FOXN3: variants seen among roughly 807,000 people sequenced by gnomAD.
FOXN3 encodes the protein forkhead box protein N3.
FOXN3 carries 7 observed loss-of-function variants against 38.4 expected under a neutral mutation model. That is an observed-to-expected ratio of 0.18 (90% CI 0.10 to 0.34). FOXN3 has a LOEUF of 0.34. Among genes scored for constraint, FOXN3 ranks in the 10% least tolerant of loss-of-function variants. FOXN3 has a pLI of 1.00. For missense variants in FOXN3, 456 were observed against 613.4 expected, an observed-to-expected ratio of 0.74 and a Z score of 2.71; for synonymous variants, 230 against 242.2, an observed-to-expected ratio of 0.95 and a Z score of 0.47.
intron 1 of FOXN3, among the ~76,000 whole-genome samples, chr14:89,451,844 C>A (rs1192910695): frequency 2.0e-5 from 3 of 152,108 alleles, no homozygotes; most frequent in Non-Finnish European, 4.4e-5. Flanking sequence ...TGCTGTCACT[C>A]CAGCACTGGT....
intron 2 of FOXN3, chr14:89,401,577 C>T: frequency 2.2e-6 from 1 of 455,986 alleles, no homozygotes; most frequent in South Asian, 1.5e-5. Flanking sequence ...TACCTCTGTG[C>T]CAGGCTCCCT....
chr14:89,339,334 T>TC (rs779082884), intron 3 of FOXN3, among the ~76,000 whole-genome samples: 85 of 152,086 alleles, frequency 5.6e-4, no homozygotes, highest in Non-Finnish European at 1.1e-3. Context: ...ACCAGAGGCT[T>TC]CAGGTAACAT....
At chr14:89,545,066 T>C (rs1294797276) in intron 1 of FOXN3, among the ~76,000 whole-genome samples, 1 of 152,240 alleles carries the variant, frequency 6.6e-6, no homozygotes, top group Non-Finnish European at 1.5e-5. Flanking sequence ...ACAAGCTGGC[T>C]GGACTCTAAA....
intron 1 of FOXN3, among the ~76,000 whole-genome samples, chr14:89,479,970 C>A (rs1439641956): frequency 6.6e-6 from 1 of 152,194 alleles, no homozygotes; most frequent in East Asian, 1.9e-4. Context: ...ATGACTCAAG[C>A]ATACCTTTCC....
chr14:89,442,846 T>C (rs1290181050), intron 1 of FOXN3, among the ~76,000 whole-genome samples: 1 of 152,214 alleles, frequency 6.6e-6, no homozygotes, highest in Non-Finnish European at 1.5e-5. Context: ...GCCTGCTCAG[T>C]GTTCAAACCA....
At chr14:89,570,238 A>T (rs1023096829) in intron 1 of FOXN3, among the ~76,000 whole-genome samples, 1 of 152,124 alleles carries the variant, frequency 6.6e-6, no homozygotes, top group African/African-American at 2.4e-5. Context: ...TGACCTCGTG[A>T]TCCGCCTGCC....
Position 89,534,972 on chromosome 14 carries a change from A to G in FOXN3, c.-15+84056T>C, listed in dbSNP as rs542612260. 3.9e-5 allele frequency among the ~76,000 whole-genome samples: 6 copies of G among 152,344 alleles called. No individual in the cohort carries two copies. In the South Asian group the frequency reaches 1.2e-3, roughly 32 times the overall value. Reference sequence around the variant, plus strand: ...TAAAACAGCTGCTTCAATTGAAGATATATTTTGTGCAAGGCTCTTCCATTT... The same window carrying G: ...TAAAACAGCTGCTTCAATTGAAGATGTATTTTGTGCAAGGCTCTTCCATTT... On this transcript the variant is annotated intron_variant, in intron 1 of 6. Transcript: ENST00000345097.
chr14:89,521,954 C>G (rs1222072710), intron 1 of FOXN3, among the ~76,000 whole-genome samples: 1 of 150,932 alleles, frequency 6.6e-6, no homozygotes, highest in East Asian at 1.9e-4. Context: ...GTCTGGCAGC[C>G]TGCTTTAGAG....
At chr14:89,380,603 C>A (rs1890616929) in intron 2 of FOXN3, among the ~76,000 whole-genome samples, 1 of 152,216 alleles carries the variant, frequency 6.6e-6, no homozygotes, top group Non-Finnish European at 1.5e-5. Context: ...GCGACTGGAA[C>A]CACACCCCTT....
chr14:89,246,725 G>A (rs1353430599), intron 4 of FOXN3, among the ~76,000 whole-genome samples: 2 of 151,650 alleles, frequency 1.3e-5, no homozygotes, highest in African/African-American at 2.4e-5. Flanking sequence ...TTTTTTAGTC[G>A]AGACGGGGTT....
intron 1 of FOXN3, among the ~76,000 whole-genome samples, chr14:89,554,490 TTTG>T (rs1298942157): frequency 1.3e-5 from 2 of 152,296 alleles, no homozygotes; most frequent in East Asian, 1.9e-4. Flanking sequence ...TTTGGTTATA[TTTG>T]TTGTTGTTCA....
At chr14:89,266,660 G>T (rs191160851) in intron 4 of FOXN3, among the ~76,000 whole-genome samples, 1 of 152,110 alleles carries the variant, frequency 6.6e-6, no homozygotes, top group Non-Finnish European at 1.5e-5. Context: ...CAGAAGTAAC[G>T]GGATAACCAA....
chr14:89,539,435 C>A (rs887190223), intron 1 of FOXN3, among the ~76,000 whole-genome samples: 3 of 152,126 alleles, frequency 2.0e-5, no homozygotes, highest in African/African-American at 7.2e-5. Context: ...ATAAAACACT[C>A]CCCTGTTTTT....
chr14:89,194,000 CT>C (rs1387370970), intron 4 of FOXN3, among the ~76,000 whole-genome samples: 7 of 152,264 alleles, frequency 4.6e-5, no homozygotes, highest in African/African-American at 1.7e-4. Flanking sequence ...CATGAAAAGT[CT>C]GTTAAAGTCT....
At chr14:89,503,552 A>G (rs1198259521) in intron 1 of FOXN3, among the ~76,000 whole-genome samples, 1 of 152,228 alleles carries the variant, frequency 6.6e-6, no homozygotes, top group Non-Finnish European at 1.5e-5. Context: ...AATATTTGAA[A>G]GGTAATCTAG....
intron 1 of FOXN3, among the ~76,000 whole-genome samples, chr14:89,511,141 T>TTTTCTTTTC (rs1894051126): frequency 0.013 from 273 of 21,004 alleles, 65 homozygotes; most frequent in Non-Finnish European, 0.036. Context: ...TCTTTCTTTC[T>TTTTCTTTTC]TTTCTTTCTT....
intron 1 of FOXN3, among the ~76,000 whole-genome samples, chr14:89,457,673 T>A (rs1892754206): frequency 6.6e-6 from 1 of 152,066 alleles, no homozygotes. Flanking sequence ...ATCTGTCCCC[T>A]GTTCTCCCAT....
At position 89,241,345 on chromosome 14, in the gene FOXN3, C is replaced by G. The variant is rs577432390; in HGVS notation, c.745+39605G>C. On this transcript the variant is annotated intron_variant, in intron 4 of 5. Coordinates refer to ENST00000557258, the MANE Select transcript of FOXN3 (RefSeq NM_005197.4). Reference sequence around the variant, plus strand: ...AGGCCAACTTCTACTCAGCCACTTCCCTATTAACTATCTACTGCTCTCTGT... The same window carrying G: ...AGGCCAACTTCTACTCAGCCACTTCGCTATTAACTATCTACTGCTCTCTGT... Among the ~76,000 whole-genome samples, 3 of 152,270 alleles carry G rather than the reference C, an allele frequency of 2.0e-5. No individual in the cohort carries two copies. In the East Asian group the frequency reaches 5.8e-4, roughly 29 times the overall value.
upstream of FOXN3, among the ~76,000 whole-genome samples, chr14:89,420,112 A>C (rs1228042629): frequency 6.6e-6 from 1 of 152,106 alleles, no homozygotes; most frequent in East Asian, 1.9e-4. Flanking sequence ...TCCACTCTCT[A>C]CCCTGCAGGT....
Sources: allele counts gnomAD v4.1 joint callset (sites outside exome capture counted in the v4.1 genomes callset), GRCh38; gene constraint gnomAD v4.1.1; transcripts MANE v1.5; gene names NCBI Gene and HGNC (gene_info 2026-07-23, HGNC 2026-07-21).